The following STKLD1 variants were observed in gnomAD, a reference collection of about 807,000 sequenced individuals.
STKLD1 encodes serine/threonine kinase like domain containing 1.
In STKLD1, 79 loss-of-function variants were observed where a neutral mutation model predicts 80.4. That is an observed-to-expected ratio of 0.98 (90% CI 0.82 to 1.19). The LOEUF (loss-of-function observed/expected upper bound fraction) is 1.19. STKLD1 is among the 50% of genes most tolerant of loss of function. The pLI, the probability that STKLD1 is intolerant of heterozygous loss-of-function variation, is 0.00. For synonymous variants in STKLD1, 393 were observed against 357.6 expected, an observed-to-expected ratio of 1.10 and a Z score of -1.12; for missense variants, 841 against 856.0, an observed-to-expected ratio of 0.98 and a Z score of 0.22.
chr9:133,390,145 T>C lies in STKLD1; in HGVS notation c.468-536T>C, dbSNP rs117537850. ...TGAAGCCAGGAGCTTGAGGCTGCAG[T>C]GAGCTATGATCGTGCCACTGCACTT... is the stretch of plus-strand genomic sequence containing the variant. On this transcript the variant is annotated intron_variant, in intron 6 of 17. Coordinates refer to ENST00000371957, the MANE Select transcript of STKLD1 (RefSeq NM_153710.5). This position sits in a 1 kb window ranked among gnomAD's most constrained non-coding sequence, Gnocchi z 5.1. Among the ~76,000 whole-genome samples the C allele has an allele frequency of 0.014, 2,176 of 150,100 alleles. 26 individuals are homozygous for C. Among genetic ancestry groups the C allele is most frequent in the Non-Finnish European group, 0.024 (1,613 of 67,676 alleles).
chr9:133,403,446 C>T (rs1554778076), intron 14 of STKLD1, among the ~76,000 whole-genome samples: 1 of 152,156 alleles, frequency 6.6e-6, no homozygotes. Flanking sequence ...GGCACTCCAG[C>T]GCCCCAGGAA....
rs1284951890 is a variant in STKLD1, at chr9:133,376,373, T to C, written c.-101T>C. On this transcript the variant is annotated 5_prime_UTR_variant, in exon 1 of 18. Coordinates refer to ENST00000371957, the MANE Select transcript of STKLD1 (RefSeq NM_153710.5). ...CGCGCGGGAGGGACGCCTGAGTGCC[T>C]CGAGGGCGCCGTTCGGGCGGGGAGG... The C allele has an allele frequency of 1.4e-6, 2 of 1,410,676 alleles. No individual in the cohort carries two copies. Among genetic ancestry groups the C allele is most frequent in the Non-Finnish European group, 1.9e-6 (2 of 1,074,242 alleles). 87.4% of individuals were successfully genotyped at this position (1,410,676 alleles called of 1,614,324 possible).
At position 133,389,580 on chromosome 9, in the gene STKLD1, T is replaced by C; in HGVS notation, c.451T>C (p.Leu151=). The C allele has an allele frequency of 1.2e-6, 2 of 1,613,460 alleles. No homozygotes were observed. Among genetic ancestry groups the C allele is most frequent in the Non-Finnish European group, 1.7e-6 (2 of 1,179,902 alleles). Residue 151 remains leucine (L), a synonymous_variant, in exon 6 of 18, where the codon TTG becomes CTG. Transcript: ENST00000371957. This position sits in a 1 kb window ranked among gnomAD's most constrained non-coding sequence, Gnocchi z 6.4. ...VLDALEYLHH[L]DIIHRNLKPS... is the part of the protein sequence containing the mutation. ...GGACGCGCTGGAATACCTGCACCAT[T>C]TGGACATCATCCACAGGTAAGTGGG...
chr9:133,405,134 G>C (rs1838816833), intron 17 of STKLD1, 118 bp from the exon 18 acceptor site: 1 of 1,366,878 alleles, frequency 7.3e-7, no homozygotes, highest in Admixed American at 2.3e-5. Flanking sequence ...GGAACTGCAA[G>C]GTGGCTCTGT....
At chr9:133,383,967 C>T in intron 3 of STKLD1, 67 bp downstream of exon 3, 2 of 1,463,946 alleles carry the variant, frequency 1.4e-6, no homozygotes, top group Non-Finnish European at 9.6e-7. Context: ...TGTTCTGTAC[C>T]TTCTTGTTGA....
rs1196056486 is a variant in STKLD1 at position 133,389,514 on chromosome 9, C to G, written c.397-12C>G. On this transcript the variant is annotated splice_polypyrimidine_tract_variant and intron_variant, in intron 5 of 17. Transcript: ENST00000371957. The surrounding 1 kb of genome is among the most constrained non-coding windows in gnomAD (Gnocchi z 6.4). ...GCCCCTCCCATCCTGGCACCCCCTA[C>G]TTCTCCCCCAGTGGATGCAGAATGT... 2 of 1,612,790 alleles carry G rather than the reference C, an allele frequency of 1.2e-6. No individual in the cohort carries two copies. Among genetic ancestry groups the G allele is most frequent in the Non-Finnish European group, 1.7e-6 (2 of 1,179,818 alleles).
intron 11 of STKLD1, 36 bp downstream of exon 11, chr9:133,398,091 C>T (rs1838608993): frequency 2.5e-6 from 4 of 1,596,700 alleles, no homozygotes; most frequent in Non-Finnish European, 3.4e-6. Flanking sequence ...CCAGCTGCTC[C>T]CCTAGGGGCA....
intron 2 of STKLD1, among the ~76,000 whole-genome samples, chr9:133,380,672 TA>T (rs1838107969): frequency 6.6e-6 from 1 of 152,112 alleles, no homozygotes; most frequent in Non-Finnish European, 1.5e-5. Flanking sequence ...ATTAATTAAT[TA>T]AATTAAAAAT....
intron 7 of STKLD1, among the ~76,000 whole-genome samples, chr9:133,392,074 CTTT>C (rs869053878): frequency 1.5e-5 from 2 of 132,770 alleles, no homozygotes; most frequent in Non-Finnish European, 1.6e-5. Context: ...GCACTCTGTC[CTTT>C]TTTTTTTTTT....
Position 133,404,877 on chromosome 9 carries a change from C to T in STKLD1, c.1821C>T (p.Asp607=), listed in dbSNP as rs1554778412. The T allele has an allele frequency of 6.2e-7, 1 of 1,613,338 alleles. No homozygotes were observed. Among genetic ancestry groups the T allele is most frequent in the Admixed American group, 1.7e-5 (1 of 59,926 alleles). ...AGACCTACCAGCTCCACAGGGACGA[C>T]CCGGAGGTGGTGGAGAACGTGGGCA... The part of the protein sequence containing the change: ...IKETYQLHRD[D]PEVVENVGML... The change falls in exon 17 of 18, where the codon GAC becomes GAT. Residue 607 remains aspartate, a synonymous_variant. Transcript: ENST00000371957.
At position 133,405,234 on chromosome 9, in the gene STKLD1, T is replaced by C; in HGVS notation, c.1874-18T>C. The stretch of plus-strand genomic sequence containing the variant: ...CAGGAAGGACTCTGGCCTCAGGACC[T>C]TCCTGCTCCACCTGCAGAGGAGATC... On this transcript the variant is annotated intron_variant, in intron 17 of 17. Transcript: ENST00000371957. 6.3e-7 allele frequency: 1 copy of C among 1,586,086 alleles called. No homozygotes were observed. The highest frequency in any genetic ancestry group is 1.1e-5 in the South Asian group (1 of 87,558).
rs782597124 is a variant in STKLD1 at position 133,402,873 on chromosome 9, C to T, written c.1340-5C>T. 2 of 1,595,552 alleles carry T rather than the reference C, an allele frequency of 1.3e-6. No homozygotes were observed. Among genetic ancestry groups the T allele is most frequent in the African/African-American group, 1.3e-5 (1 of 74,558 alleles). On this transcript the variant is annotated splice_region_variant and splice_polypyrimidine_tract_variant and intron_variant, in intron 13 of 17. Transcript: ENST00000371957. ...CCTGGGGCCCTCATTCTGGCTCACC[C>T]ACAGAGTCAGAGTCACTGTCAGAGG...
At chr9:133,377,908 C>T (rs2130255951) in intron 1 of STKLD1, among the ~76,000 whole-genome samples, 63 of 152,102 alleles carry the variant, frequency 4.1e-4, no homozygotes, top group African/African-American at 1.4e-3. Context: ...ACCATCCTCT[C>T]GGGATGATGG....
At chr9:133,376,843 G>A (rs1467592654) in intron 1 of STKLD1, among the ~76,000 whole-genome samples, 1 of 152,196 alleles carries the variant, frequency 6.6e-6, no homozygotes, top group African/African-American at 2.4e-5. Context: ...TGGGGTCTGT[G>A]CGCTTGGGTC....
intron 7 of STKLD1, among the ~76,000 whole-genome samples, chr9:133,392,978 AGATGGATG>A (rs1181288998): frequency 1.7e-5 from 2 of 117,048 alleles, no homozygotes; most frequent in African/African-American, 3.3e-5. Flanking sequence ...GTAGGTGAGT[AGATGGATG>A]GATGGGTGGA....
chr9:133,394,715 GC>G lies in STKLD1; in HGVS notation c.702+309del. 1 of 377,996 alleles carries G rather than the reference GC, an allele frequency of 2.6e-6. No homozygotes were observed. The highest frequency in any genetic ancestry group is 4.9e-6 in the Non-Finnish European group (1 of 202,492). 23.4% of individuals were successfully genotyped at this position (377,996 alleles called of 1,614,324 possible). A position where few individuals can be genotyped will look rare whatever the true frequency, so the allele number is the denominator to read the frequency against. On this transcript the variant is annotated intron_variant, in intron 8 of 17. Coordinates refer to ENST00000371957, the MANE Select transcript of STKLD1 (RefSeq NM_153710.5). The surrounding 1 kb of genome is among the most constrained non-coding windows in gnomAD (Gnocchi z 4.9). ...TGATGGAGAAAAGCCAAGTTCAGGT[GC>G]CCTTGTGAGCATGAAGGCTGCACGG...
intron 9 of STKLD1, among the ~76,000 whole-genome samples, chr9:133,396,836 C>T (rs1159423732): frequency 6.6e-6 from 1 of 152,140 alleles, no homozygotes; most frequent in Non-Finnish European, 1.5e-5. Context: ...CATCTTTATA[C>T]CAACGCAGTT....
chr9:133,397,040 A>T, intron 9 of STKLD1, 124 bp from the exon 10 acceptor site: 1 of 1,383,076 alleles, frequency 7.2e-7, no homozygotes, highest in Admixed American at 2.2e-5. Context: ...ATCCCAAAAC[A>T]GGGAGTTCAG....
At chr9:133,402,686 C>T (rs878893829) in intron 13 of STKLD1, among the ~76,000 whole-genome samples, 192 bp from the exon 14 acceptor site, 6 of 152,216 alleles carry the variant, frequency 3.9e-5, no homozygotes, top group South Asian at 4.1e-4. Context: ...TGGTGGCCCA[C>T]GAGATGGACA....
Sources: allele counts gnomAD v4.1 joint callset (sites outside exome capture counted in the v4.1 genomes callset), GRCh38; gene constraint gnomAD v4.1.1; non-coding constraint Gnocchi (gnomAD v3.1); transcripts MANE v1.5; gene names NCBI Gene and HGNC (gene_info 2026-07-23, HGNC 2026-07-21).